The following WDFY2 variants were observed in gnomAD, a reference collection of about 807,000 sequenced individuals.
The protein encoded by WDFY2 is WD repeat and FYVE domain containing 2.
In WDFY2, 36 loss-of-function variants were observed where a neutral mutation model predicts 56.4. That is an observed-to-expected ratio of 0.64 (90% CI 0.49 to 0.84). WDFY2 has a LOEUF of 0.84. WDFY2 is among the 40% of genes least tolerant of loss of function. WDFY2 has a pLI of 0.00. For missense variants in WDFY2, 444 were observed against 512.2 expected, an observed-to-expected ratio of 0.87 and a Z score of 1.29; for synonymous variants, 176 against 183.7, an observed-to-expected ratio of 0.96 and a Z score of 0.34.
chr13:51,619,538 TGG>T (rs1304071438), intron 1 of WDFY2, among the ~76,000 whole-genome samples: 3 of 152,278 alleles, frequency 2.0e-5, no homozygotes, highest in Admixed American at 2.0e-4. Context: ...CAGATACAAC[TGG>T]GGACTATTTT....
At chr13:51,590,578 T>C (rs550148088) in intron 1 of WDFY2, 1 of 152,306 alleles carries the variant, frequency 6.6e-6, no homozygotes, top group South Asian at 2.1e-4. Flanking sequence ...TTTGTTGATA[T>C]CTGTAACACT....
chr13:51,609,172 A>C (rs1010816898), intron 1 of WDFY2, among the ~76,000 whole-genome samples: 6 of 152,246 alleles, frequency 3.9e-5, no homozygotes, highest in Non-Finnish European at 7.3e-5. Flanking sequence ...GCTTCAATGC[A>C]CTATTGAAAA....
intron 3 of WDFY2, among the ~76,000 whole-genome samples, chr13:51,702,962 T>C (rs1157443610): frequency 6.6e-6 from 1 of 152,238 alleles, no homozygotes; most frequent in East Asian, 1.9e-4. Flanking sequence ...CAGACACTTA[T>C]GTGTCCCCAC....
chr13:51,707,744 A>G (rs1178941848), intron 4 of WDFY2, among the ~76,000 whole-genome samples: 4 of 152,048 alleles, frequency 2.6e-5, no homozygotes, highest in Non-Finnish European at 4.4e-5. Context: ...TTAAAAGACA[A>G]TTGACTTTAA....
intron 3 of WDFY2, 128 bp downstream of exon 3, chr13:51,675,371 A>T: frequency 1.2e-6 from 1 of 804,732 alleles, no homozygotes; most frequent in Non-Finnish European, 2.0e-6. Context: ...ATTGCAGCGT[A>T]GCAAATTATG....
chr13:51,702,812 T>C (rs1952011505), intron 3 of WDFY2, among the ~76,000 whole-genome samples: 1 of 152,206 alleles, frequency 6.6e-6, no homozygotes, highest in Non-Finnish European at 1.5e-5. Context: ...GCTTTCCTTA[T>C]GTTTTATAAT....
chr13:51,622,853 CTTTTT>C (rs59372497), intron 1 of WDFY2, among the ~76,000 whole-genome samples: 1 of 130,970 alleles, frequency 7.6e-6, no homozygotes, highest in Non-Finnish European at 1.6e-5. Flanking sequence ...TAACTTTACA[CTTTTT>C]TTTTTTTTTT....
chr13:51,711,427 A>G (rs927244195), intron 4 of WDFY2, among the ~76,000 whole-genome samples: 1 of 152,226 alleles, frequency 6.6e-6, no homozygotes, highest in Non-Finnish European at 1.5e-5. Context: ...ACAAAAGCCA[A>G]AATTGACAAA....
At chr13:51,708,386 G>A (rs1952134487) in intron 4 of WDFY2, among the ~76,000 whole-genome samples, 1 of 151,928 alleles carries the variant, frequency 6.6e-6, no homozygotes, top group Admixed American at 6.6e-5. Context: ...GGCTAAGGTG[G>A]GAGGGTTGCT....
At chr13:51,602,392 G>A (rs933142251) in intron 1 of WDFY2, among the ~76,000 whole-genome samples, 3 of 152,184 alleles carry the variant, frequency 2.0e-5, no homozygotes, top group African/African-American at 7.2e-5. Flanking sequence ...AAAAGCAATA[G>A]GCCATACTCT....
chr13:51,627,743 G>C (rs139075756), intron 1 of WDFY2, among the ~76,000 whole-genome samples: 3 of 152,272 alleles, frequency 2.0e-5, no homozygotes, highest in Non-Finnish European at 4.4e-5. Context: ...AGTGGAGGGT[G>C]AGCAAGGCAA....
chr13:51,713,812 A>G (rs1042313919), intron 4 of WDFY2, among the ~76,000 whole-genome samples: 1 of 146,598 alleles, frequency 6.8e-6, no homozygotes, highest in African/African-American at 2.5e-5. Flanking sequence ...GCACCACTGC[A>G]TTCCAGCCTG....
At chr13:51,648,926 C>T (rs1055863621) in intron 1 of WDFY2, among the ~76,000 whole-genome samples, 2 of 152,102 alleles carry the variant, frequency 1.3e-5, no homozygotes, top group African/African-American at 4.8e-5. Flanking sequence ...GCAGGTGGAT[C>T]GCTTGAGGTC....
intron 6 of WDFY2, among the ~76,000 whole-genome samples, chr13:51,734,618 A>G (rs181167284): frequency 1.2e-3 from 176 of 152,354 alleles, no homozygotes; most frequent in African/African-American, 3.6e-3. Flanking sequence ...GCACAAGTCA[A>G]TGACATAAAG....
intron 4 of WDFY2, among the ~76,000 whole-genome samples, chr13:51,716,671 C>T (rs1372968279): frequency 1.7e-5 from 2 of 120,104 alleles, no homozygotes; most frequent in African/African-American, 6.4e-5. Flanking sequence ...CCAGCCTGGG[C>T]GACAGAGCGA....
At chr13:51,695,575 G>A (rs1207493564) in intron 3 of WDFY2, among the ~76,000 whole-genome samples, 3 of 152,200 alleles carry the variant, frequency 2.0e-5, no homozygotes, top group Admixed American at 2.0e-4. Flanking sequence ...AGCTGTGTGA[G>A]GTGTCAGTCT....
intron 1 of WDFY2, among the ~76,000 whole-genome samples, chr13:51,624,437 C>T (rs1328405543): frequency 6.6e-6 from 1 of 152,172 alleles, no homozygotes; most frequent in East Asian, 1.9e-4. Flanking sequence ...CACTTTCACT[C>T]TGCTAATTTT....
intron 1 of WDFY2, among the ~76,000 whole-genome samples, chr13:51,652,618 A>G (rs925944037): frequency 3.3e-5 from 5 of 152,132 alleles, no homozygotes; most frequent in Admixed American, 1.3e-4. Context: ...AAAATCTCTC[A>G]GCATTTGCTT....
intron 1 of WDFY2, among the ~76,000 whole-genome samples, chr13:51,596,886 G>A (rs1275204649): frequency 6.6e-6 from 1 of 152,096 alleles, no homozygotes; most frequent in Non-Finnish European, 1.5e-5. Flanking sequence ...TTCCTCTCAA[G>A]GCTCAGAATA....
Sources: allele counts gnomAD v4.1 joint callset (sites outside exome capture counted in the v4.1 genomes callset), GRCh38; gene constraint gnomAD v4.1.1; transcripts MANE v1.5; gene names NCBI Gene and HGNC (gene_info 2026-07-23, HGNC 2026-07-21).